Variants in ITGA1 observed in about 807,000 individuals in gnomAD.
The protein encoded by ITGA1 is integrin subunit alpha 1, also known as integrin alpha-1.
In ITGA1, 85 loss-of-function variants were observed where a neutral mutation model predicts 145.9. The observed-to-expected ratio is 0.58, with a 90% CI of 0.49 to 0.70. The LOEUF is 0.70. Among genes scored for constraint, ITGA1 ranks in the 30% least tolerant of loss-of-function variants. The probability of loss-of-function intolerance (pLI) is 0.00; values close to 1 mark genes in which losing one functional copy is unlikely to be tolerated. For missense variants in ITGA1, 1,351 were observed against 1,418.7 expected (o/e 0.95, Z 0.77); for synonymous variants, 520 against 495.3 (o/e 1.05, Z -0.66).
intron 6 of ITGA1, chr5:52,867,078 A>C (rs895966768): frequency 6.6e-6 from 1 of 151,612 alleles, no homozygotes; most frequent in African/African-American, 2.4e-5. Flanking sequence ...CTGAAAAAGC[A>C]GACTGACTGC....
chr5:52,950,411 C>T (rs984525508), intron 28 of ITGA1, among the ~76,000 whole-genome samples: 12 of 152,306 alleles, frequency 7.9e-5, no homozygotes, highest in African/African-American at 2.9e-4. Context: ...ATTCATTCAG[C>T]AATTATTCCA....
intron 24 of ITGA1, among the ~76,000 whole-genome samples, chr5:52,937,769 A>C (rs915565818): frequency 1.3e-5 from 2 of 152,204 alleles, no homozygotes; most frequent in Non-Finnish European, 2.9e-5. Context: ...GTCCAAAATC[A>C]AGGTGTTGAC....
intron 20 of ITGA1, among the ~76,000 whole-genome samples, chr5:52,928,452 A>G (rs1324236057): frequency 6.6e-6 from 1 of 152,178 alleles, no homozygotes; most frequent in Non-Finnish European, 1.5e-5. Context: ...CATGGAGTTC[A>G]CTCGTTGAAA....
intron 1 of ITGA1, chr5:52,804,154 C>G (rs1370525535): frequency 6.6e-6 from 1 of 152,086 alleles, no homozygotes; most frequent in East Asian, 1.9e-4. Context: ...TTCTAGAAGA[C>G]ATAATTATCT....
intron 23 of ITGA1, among the ~76,000 whole-genome samples, chr5:52,937,120 A>G (rs769497353): frequency 2.6e-5 from 4 of 152,094 alleles, no homozygotes; most frequent in Non-Finnish European, 4.4e-5. Context: ...AAAACTTCCA[A>G]TTCTGGTCTT....
intron 1 of ITGA1, among the ~76,000 whole-genome samples, chr5:52,827,012 G>T (rs1199697253): frequency 4.0e-5 from 6 of 151,228 alleles, no homozygotes; most frequent in Non-Finnish European, 7.4e-5. Context: ...CATAGATAGT[G>T]ATTCCTCTGA....
intron 1 of ITGA1, among the ~76,000 whole-genome samples, chr5:52,810,614 C>A (rs1351463420): frequency 6.6e-6 from 1 of 152,140 alleles, no homozygotes; most frequent in Non-Finnish European, 1.5e-5. Context: ...AATGGGATAG[C>A]ATGTGGAATG....
chr5:52,909,935 T>C (rs1009403689), intron 13 of ITGA1, among the ~76,000 whole-genome samples: 2 of 152,154 alleles, frequency 1.3e-5, no homozygotes, highest in African/African-American at 4.8e-5. Context: ...TATACTCAAT[T>C]GCATTAAAAA....
chr5:52,836,019 T>C (rs1477809645), intron 1 of ITGA1, among the ~76,000 whole-genome samples: 1 of 152,218 alleles, frequency 6.6e-6, no homozygotes, highest in Non-Finnish European at 1.5e-5. Flanking sequence ...GAAATAGATG[T>C]TCAGTCTACC....
At chr5:52,832,709 G>GA (rs1749090178) in intron 1 of ITGA1, among the ~76,000 whole-genome samples, 1 of 150,900 alleles carries the variant, frequency 6.6e-6, no homozygotes, top group East Asian at 1.9e-4. Flanking sequence ...TTTAAATACT[G>GA]AAAAATATTA....
At chr5:52,803,857 G>A (rs1748538883) in intron 1 of ITGA1, 1 of 152,118 alleles carries the variant, frequency 6.6e-6, no homozygotes, top group South Asian at 2.1e-4. Context: ...GATAAACAAA[G>A]GCAATAGGTT....
At chr5:52,867,504 C>T (rs967515463) in intron 6 of ITGA1, among the ~76,000 whole-genome samples, 3 of 152,080 alleles carry the variant, frequency 2.0e-5, no homozygotes, top group African/African-American at 4.8e-5. Flanking sequence ...CTTTTTATCC[C>T]GTCTTGCTAC....
chr5:52,910,468 CA>C, intron 14 of ITGA1, 49 bp downstream of exon 14: 1 of 1,569,590 alleles, frequency 6.4e-7, no homozygotes, highest in Non-Finnish European at 8.7e-7. Context: ...TAAGTCGGTT[CA>C]ATGCCAGGCA....
chr5:52,816,319 A>G (rs2111694897), intron 1 of ITGA1, among the ~76,000 whole-genome samples: 1 of 152,352 alleles, frequency 6.6e-6, no homozygotes, highest in South Asian at 2.1e-4. Context: ...TTTCAAATAA[A>G]GATCATTTCT....
intron 1 of ITGA1, among the ~76,000 whole-genome samples, chr5:52,795,403 G>A (rs1290547614): frequency 6.6e-6 from 1 of 151,740 alleles, no homozygotes; most frequent in African/African-American, 2.4e-5. Flanking sequence ...ATACAGCCCC[G>A]ACTGTTTAAG....
intron 3 of ITGA1, 69 bp downstream of exon 3, chr5:52,861,628 T>C: frequency 1.1e-6 from 1 of 909,876 alleles, no homozygotes; most frequent in South Asian, 1.4e-5. Context: ...CCCCACACTT[T>C]AAGAGGTCAA....
intron 1 of ITGA1, among the ~76,000 whole-genome samples, chr5:52,814,272 A>G (rs1054967064): frequency 6.6e-5 from 10 of 152,126 alleles, no homozygotes; most frequent in Admixed American, 2.0e-4. Context: ...TTAGCCTCCC[A>G]AGTGGCTGGG....
At chr5:52,945,218 T>C (rs1751117221) in intron 27 of ITGA1, among the ~76,000 whole-genome samples, 183 bp downstream of exon 27, 1 of 152,206 alleles carries the variant, frequency 6.6e-6, no homozygotes, top group Non-Finnish European at 1.5e-5. Context: ...TATTCATCCT[T>C]GTAAGACACT....
chr5:52,864,892 C>G (rs1248562790), intron 4 of ITGA1, 41 bp downstream of exon 4: 47 of 1,535,534 alleles, frequency 3.1e-5, no homozygotes, highest in Non-Finnish European at 4.1e-5. Flanking sequence ...AACAGATATG[C>G]TATCATTTTA....
Sources: allele counts gnomAD v4.1 joint callset (sites outside exome capture counted in the v4.1 genomes callset), GRCh38; gene constraint gnomAD v4.1.1; transcripts MANE v1.5; gene names NCBI Gene and HGNC (gene_info 2026-07-23, HGNC 2026-07-21).